The following SPPL3 variants were observed in gnomAD, a reference collection of about 807,000 sequenced individuals.
SPPL3 encodes the protein signal peptide peptidase-like 3.
In SPPL3, 5 loss-of-function variants were observed where a neutral mutation model predicts 42.4. That is an observed-to-expected ratio of 0.12 (90% CI 0.06 to 0.25). SPPL3 has a LOEUF of 0.25. Ranked by LOEUF, SPPL3 falls within the 10% of genes least tolerant of loss-of-function variation. SPPL3 has a pLI of 1.00. For missense variants in SPPL3, 235 were observed against 489.0 expected (o/e 0.48, Z 4.90); for synonymous variants, 195 against 181.8 (o/e 1.07, Z -0.58).
intron 6 of SPPL3, among the ~76,000 whole-genome samples, chr12:120,777,823 G>A (rs1403670824): frequency 6.6e-6 from 1 of 152,106 alleles, no homozygotes. Context: ...TTTTTATAAG[G>A]GAATACAAGA....
intron 1 of SPPL3, among the ~76,000 whole-genome samples, chr12:120,894,509 CT>C (rs1255067079): frequency 1.3e-5 from 2 of 152,198 alleles, no homozygotes; most frequent in African/African-American, 4.8e-5. Flanking sequence ...GTCACAATGA[CT>C]GTATAACTAG....
chr12:120,888,466 A>G (rs1873533141), intron 1 of SPPL3, among the ~76,000 whole-genome samples: 1 of 152,202 alleles, frequency 6.6e-6, no homozygotes, highest in African/African-American at 2.4e-5. Context: ...AAAAAAGGAA[A>G]ATTATTTGGC....
chr12:120,837,314 T>C (rs1310105587), intron 1 of SPPL3, among the ~76,000 whole-genome samples: 3 of 152,208 alleles, frequency 2.0e-5, no homozygotes, highest in East Asian at 3.8e-4. Flanking sequence ...AAAAGGCAGA[T>C]ATGAAAAAGG....
intron 2 of SPPL3, among the ~76,000 whole-genome samples, chr12:120,795,233 C>A (rs2136989194): frequency 6.6e-6 from 1 of 152,280 alleles, no homozygotes; most frequent in South Asian, 2.1e-4. Flanking sequence ...AGGTACACAC[C>A]ACTGTGCCCA....
intron 1 of SPPL3, among the ~76,000 whole-genome samples, chr12:120,834,077 G>C (rs1227934950): frequency 6.6e-6 from 1 of 152,092 alleles, no homozygotes; most frequent in Non-Finnish European, 1.5e-5. Context: ...ATAGTATTTG[G>C]CCTGTAAGTT....
At chr12:120,799,661 A>T (rs1870222769) in intron 2 of SPPL3, among the ~76,000 whole-genome samples, 2 of 152,184 alleles carry the variant, frequency 1.3e-5, no homozygotes, top group Non-Finnish European at 1.5e-5. Flanking sequence ...TCACTGCCTC[A>T]AACAAGCTTA....
chr12:120,888,432 G>C (rs954903442), intron 1 of SPPL3, among the ~76,000 whole-genome samples: 1 of 152,144 alleles, frequency 6.6e-6, no homozygotes, highest in Non-Finnish European at 1.5e-5. Context: ...GTCAACTAAT[G>C]AGTGCATAAG....
chr12:120,803,779 G>A (rs1870403939), intron 2 of SPPL3, among the ~76,000 whole-genome samples: 1 of 152,056 alleles, frequency 6.6e-6, no homozygotes, highest in African/African-American at 2.4e-5. Context: ...GTCTACACAC[G>A]CTGCAATGGA....
Position 120,901,099 on chromosome 12 carries a change from T to C in SPPL3, c.23+2746A>G, listed in dbSNP as rs995509627. On this transcript the variant is annotated intron_variant, in intron 1 of 10. Coordinates refer to ENST00000353487, the MANE Select transcript of SPPL3 (RefSeq NM_139015.5). ...ATGAGTAAAATGATGGGAGAATTCA[T>C]GTCAAACAAAATAAAGCATCACAAG... 3.9e-5 allele frequency among the ~76,000 whole-genome samples: 6 copies of C among 152,268 alleles called. No individual in the cohort carries two copies. The South Asian group carries it at 8.3e-4, about 21-fold the overall frequency.
chr12:120,876,844 A>ACAC (rs1160945287), intron 1 of SPPL3, among the ~76,000 whole-genome samples: 6 of 143,860 alleles, frequency 4.2e-5, no homozygotes, highest in Non-Finnish European at 7.7e-5. Flanking sequence ...CACACACACA[A>ACAC]ATTAAATGCA....
At chr12:120,829,637 A>G (rs1871335570) in intron 1 of SPPL3, among the ~76,000 whole-genome samples, 1 of 152,076 alleles carries the variant, frequency 6.6e-6, no homozygotes, top group African/African-American at 2.4e-5. Context: ...TTTGAAAGAC[A>G]CTGGTCAAGA....
chr12:120,819,031 T>A (rs12423697), intron 1 of SPPL3, among the ~76,000 whole-genome samples: 4 of 152,156 alleles, frequency 2.6e-5, no homozygotes, highest in Admixed American at 6.5e-5. Flanking sequence ...TACTGTCATA[T>A]GTTGTTTGAA....
chr12:120,863,267 G>A (rs1180744971), intron 1 of SPPL3, among the ~76,000 whole-genome samples: 1 of 151,702 alleles, frequency 6.6e-6, no homozygotes, highest in African/African-American at 2.4e-5. Flanking sequence ...AGAATCACTT[G>A]AACCCAGGAG....
chr12:120,882,921 G>A (rs983032848), intron 1 of SPPL3, among the ~76,000 whole-genome samples: 1 of 150,614 alleles, frequency 6.6e-6, no homozygotes, highest in Non-Finnish European at 1.5e-5. Flanking sequence ...GGTAATGCTA[G>A]AGATCGTTGA....
chr12:120,806,853 A>AAAAGAAAGAAAG lies in SPPL3; in HGVS notation c.101+3944_101+3955dup, dbSNP rs3050396. On this transcript the variant is annotated intron_variant, in intron 2 of 10. Transcript: ENST00000353487. Reference sequence around the variant, plus strand: ...CAGAGCGAGACTCCATTAAAAAAAAAAAAGAAAGAAAGAAAGAAAACATAG... The same window carrying AAAAGAAAGAAAG: ...CAGAGCGAGACTCCATTAAAAAAAAAAAAGAAAGAAAGAAAGAAAGAAAGAAAGAAAACATAG... Among the ~76,000 whole-genome samples, 15 of 146,210 alleles carry AAAAGAAAGAAAG rather than the reference A, an allele frequency of 1.0e-4. No homozygotes were observed. The East Asian group carries it at 2.6e-3, about 26-fold the overall frequency.
chr12:120,790,653 G>A (rs1195334751), intron 3 of SPPL3, among the ~76,000 whole-genome samples: 2 of 152,000 alleles, frequency 1.3e-5, no homozygotes, highest in Admixed American at 6.6e-5. Flanking sequence ...CCTGACTTGC[G>A]GGTCTCTTTA....
At chr12:120,823,880 T>TA (rs1377702016) in intron 1 of SPPL3, among the ~76,000 whole-genome samples, 2 of 152,092 alleles carry the variant, frequency 1.3e-5, no homozygotes, top group African/African-American at 4.8e-5. Flanking sequence ...AAGACATTTT[T>TA]TTTTTTTTGA....
At chr12:120,891,992 G>C (rs1300028510) in intron 1 of SPPL3, among the ~76,000 whole-genome samples, 1 of 152,080 alleles carries the variant, frequency 6.6e-6, no homozygotes, top group African/African-American at 2.4e-5. Context: ...GTGTTGTCAG[G>C]ATATTAGAAA....
intron 1 of SPPL3, among the ~76,000 whole-genome samples, chr12:120,820,475 C>T (rs1871029465): frequency 6.6e-6 from 1 of 152,006 alleles, no homozygotes; most frequent in South Asian, 2.1e-4. Context: ...GCCACCACAT[C>T]CGGCTAATTT....
Sources: allele counts gnomAD v4.1 joint callset (sites outside exome capture counted in the v4.1 genomes callset), GRCh38; gene constraint gnomAD v4.1.1; transcripts MANE v1.5; gene names NCBI Gene and HGNC (gene_info 2026-07-23, HGNC 2026-07-21).